The following ARID1A variants were observed in gnomAD, a reference collection of about 807,000 sequenced individuals.
ARID1A encodes the protein AT-rich interaction domain 1A.
In ARID1A, 20 loss-of-function variants were observed where a neutral mutation model predicts 212.6. The observed-to-expected ratio is 0.09, with a 90% CI of 0.07 to 0.14. The LOEUF is 0.14. Ranked by LOEUF, ARID1A falls within the 10% of genes least tolerant of loss-of-function variation. The pLI is 1.00. For missense variants in ARID1A, 2,587 were observed against 3,059.0 expected (o/e 0.85, Z 3.64); for synonymous variants, 1,376 against 1,222.1 (o/e 1.13, Z -2.63).
At chr1:26,714,734 A>G (rs2124768126) in intron 1 of ARID1A, among the ~76,000 whole-genome samples, 1 of 152,306 alleles carries the variant, frequency 6.6e-6, no homozygotes, top group African/African-American at 2.4e-5. Flanking sequence ...AATAAGGTTG[A>G]CTATTCCCTG....
chr1:26,757,870 C>T (rs988081713), intron 4 of ARID1A, among the ~76,000 whole-genome samples: 11 of 152,084 alleles, frequency 7.2e-5, no homozygotes, highest in African/African-American at 2.7e-4. Context: ...GAACTCCTGA[C>T]CTCGTAATCC....
intron 4 of ARID1A, among the ~76,000 whole-genome samples, chr1:26,751,467 A>G (rs1017109684): frequency 2.2e-4 from 34 of 152,308 alleles, no homozygotes; most frequent in African/African-American, 7.2e-4. Context: ...TCAAGCTTCT[A>G]TTAATACCTT....
At position 26,774,950 on chromosome 1, in the gene ARID1A, C is replaced by A. The variant is rs1374393812; in HGVS notation, c.4723C>A (p.Pro1575Thr). ...GCCCCCTCCATCTAACTACCAGCCC[C>A]CACCAAGCATGCAGAATCACATTCC... Reference protein sequence around the residue: ...TRPPPSNYQPPPSMQNHIPQV... With the variant: ...TRPPPSNYQPTPSMQNHIPQV... Residue 1575 changes from proline (P) to threonine (T), a missense_variant, in exon 18 of 20, where the codon CCA becomes ACA. Coordinates refer to ENST00000324856, the MANE Select transcript of ARID1A (RefSeq NM_006015.6). This position sits in a 1 kb window ranked among gnomAD's most constrained non-coding sequence, Gnocchi z 5.6. 1 of 1,451,518 alleles carries A rather than the reference C, an allele frequency of 6.9e-7. No homozygotes were observed. The highest frequency in any genetic ancestry group is 1.3e-5 in the South Asian group (1 of 78,974). The allele number at this position is 1,451,518 out of a possible 1,614,324, so 89.9% of individuals were successfully genotyped here. A position where few individuals can be genotyped will look rare whatever the true frequency, so the allele number is the denominator to read the frequency against.
intron 14 of ARID1A, 150 bp from the exon 15 acceptor site, chr1:26,773,196 G>A (rs757615817): frequency 4.1e-5 from 52 of 1,276,640 alleles, no homozygotes; most frequent in Non-Finnish European, 5.0e-5. Flanking sequence ...CATGCTTTTC[G>A]CTGGTTGGGG....
intron 4 of ARID1A, among the ~76,000 whole-genome samples, chr1:26,751,432 G>T (rs2080884393): frequency 6.6e-6 from 1 of 152,126 alleles, no homozygotes; most frequent in African/African-American, 2.4e-5. Flanking sequence ...CTCTATTGGA[G>T]CATGGAACCC....
At chr1:26,700,214 CCT>C (rs2080319253) in intron 1 of ARID1A, among the ~76,000 whole-genome samples, 1 of 152,208 alleles carries the variant, frequency 6.6e-6, no homozygotes, top group African/African-American at 2.4e-5. Context: ...ACTTGATAAA[CCT>C]CTTTTCAGAC....
intron 4 of ARID1A, among the ~76,000 whole-genome samples, chr1:26,760,357 C>A (rs777419478): frequency 2.6e-5 from 4 of 152,152 alleles, no homozygotes; most frequent in African/African-American, 7.2e-5. Flanking sequence ...TATATTCCAC[C>A]TGGTCCTTAA....
rs766039070 is a variant in ARID1A, at chr1:26,771,264, C to T, written c.3344C>T (p.Pro1115Leu). 6.2e-7 allele frequency: 1 copy of T among 1,614,200 alleles called. No homozygotes were observed. The highest frequency in any genetic ancestry group is 8.5e-7 in the Non-Finnish European group (1 of 1,180,036). Residue 1115 changes from proline to leucine, a missense_variant, in exon 12 of 20, where the codon CCA (proline) becomes CTA (leucine). Coordinates refer to ENST00000324856, the MANE Select transcript of ARID1A (RefSeq NM_006015.6). The surrounding 1 kb of genome is among the most constrained non-coding windows in gnomAD (Gnocchi z 5.4). ...CKIERGEDPP[P>L]DIFAAADSKK... The stretch of plus-strand genomic sequence containing the variant: ...ATTGAACGGGGAGAAGACCCTCCCC[C>T]AGACATCTTTGCAGCTGCTGATTCC...
intron 1 of ARID1A, among the ~76,000 whole-genome samples, chr1:26,700,043 A>G (rs1413059236): frequency 6.6e-6 from 1 of 152,174 alleles, no homozygotes; most frequent in African/African-American, 2.4e-5. Flanking sequence ...AATTAATTTC[A>G]GCTCAGTTGT....
chr1:26,710,871 C>T (rs1316589719), intron 1 of ARID1A, among the ~76,000 whole-genome samples: 1 of 152,158 alleles, frequency 6.6e-6, no homozygotes, highest in Non-Finnish European at 1.5e-5. Context: ...GGTTAAAATG[C>T]TTGAGGCTAG....
chr1:26,772,639 C>T lies in ARID1A; in HGVS notation c.3539+7C>T, dbSNP rs528350078. ...CCCCATTGCCAGGCATGAGGTAAGG[C>T]CAAGAGCAGGGGCAGATGGTTGGGA... On this transcript the variant is annotated splice_region_variant and intron_variant, in intron 13 of 19. Coordinates refer to ENST00000324856, the MANE Select transcript of ARID1A (RefSeq NM_006015.6). 6.2e-7 allele frequency: 1 copy of T among 1,614,206 alleles called. No homozygotes were observed. The highest frequency in any genetic ancestry group is 1.1e-5 in the South Asian group (1 of 91,082).
intron 7 of ARID1A, 24 bp from the exon 8 acceptor site, chr1:26,762,949 A>T (rs2124067234): frequency 6.4e-7 from 1 of 1,554,656 alleles, no homozygotes; most frequent in East Asian, 2.3e-5. Flanking sequence ...TGACTAACCA[A>T]GTCTTGTCTT....
chr1:26,780,224 A>G lies in ARID1A; in HGVS notation c.6326A>G (p.Asn2109Ser), dbSNP rs768439550. The change falls in exon 20 of 20, where the codon AAT becomes AGT. Residue 2109 changes from asparagine to serine, a missense_variant. Transcript: ENST00000324856. This position sits in a 1 kb window ranked among gnomAD's most constrained non-coding sequence, Gnocchi z 7.2. ...AQDPFSTLGP[N>S]AVLSPQRLVL... The stretch of plus-strand genomic sequence containing the variant: ...GACCCCTTTTCCACCCTGGGCCCCA[A>G]TGCCGTCCTTTCCCCGCAGAGACTG... The G allele has an allele frequency of 2.4e-5, 38 of 1,613,952 alleles. No individual in the cohort carries two copies. Among genetic ancestry groups the G allele is most frequent in the Admixed American group, 2.0e-4 (12 of 60,000 alleles).
chr1:26,714,398 T>TTTTGTTTGTTTGTTTG (rs71007887), intron 1 of ARID1A, among the ~76,000 whole-genome samples: 1 of 151,748 alleles, frequency 6.6e-6, no homozygotes, highest in African/African-American at 2.4e-5. Flanking sequence ...CTATAATCTT[T>TTTTGTTTGTTTGTTTG]TTTGTTTGTT....
chr1:26,698,424 T>C (rs2080300479), intron 1 of ARID1A, among the ~76,000 whole-genome samples: 1 of 152,240 alleles, frequency 6.6e-6, no homozygotes, highest in Non-Finnish European at 1.5e-5. Context: ...ATCTGCCTTT[T>C]ATTCCAGAGC....
In ARID1A at chr1:26,780,995, C is replaced by A; in HGVS notation, c.*239C>A. On this transcript the variant is annotated 3_prime_UTR_variant, in exon 20 of 20. Transcript: ENST00000324856. The surrounding 1 kb of genome is among the most constrained non-coding windows in gnomAD (Gnocchi z 7.2). The stretch of plus-strand genomic sequence containing the variant: ...CCTTACTCCCCTCAGGACCCTACCC[C>A]ACCCTCTTTGAAAAGACAAAGCTCT... 2.3e-6 allele frequency: 1 copy of A among 443,014 alleles called. No individual in the cohort carries two copies. Among genetic ancestry groups the A allele is most frequent in the South Asian group, 7.6e-5 (1 of 13,226 alleles). The allele number at this position is 443,014 out of a possible 1,614,324, so 27.4% of individuals were successfully genotyped here.
intron 4 of ARID1A, among the ~76,000 whole-genome samples, chr1:26,745,835 T>C (rs948071005): frequency 6.6e-6 from 1 of 152,158 alleles, no homozygotes; most frequent in African/African-American, 2.4e-5. Context: ...TGAGATCACC[T>C]GAGGTTGGGA....
rs773634878 is a variant in ARID1A at position 26,762,195 on chromosome 1, C to G, written c.2295C>G (p.Pro765=). The change falls in exon 7 of 20, where the codon CCC becomes CCG. Residue 765 remains proline (P), a synonymous_variant. Coordinates refer to ENST00000324856, the MANE Select transcript of ARID1A (RefSeq NM_006015.6). ...CCCAGATGCCCCAGTACAGTTCCCC[C>G]CAGCCCGGCTCAGCCTTATCTCCGC... ...RNPQMPQYSS[P]QPGSALSPRQ... 1 of 1,614,160 alleles carries G rather than the reference C, an allele frequency of 6.2e-7. No homozygotes were observed. Among genetic ancestry groups the G allele is most frequent in the African/African-American group, 1.3e-5 (1 of 75,016 alleles).
intron 4 of ARID1A, among the ~76,000 whole-genome samples, chr1:26,760,547 G>A (rs1050529580): frequency 1.3e-5 from 2 of 152,062 alleles, no homozygotes; most frequent in African/African-American, 4.8e-5. Context: ...AATTTAGCCG[G>A]GCGTGGTGGT....
Sources: gnomAD v4.1 joint callset for allele counts (sites outside exome capture counted in the v4.1 genomes callset) on GRCh38, gnomAD v4.1.1 for gene constraint, Gnocchi (gnomAD v3.1) non-coding constraint, MANE v1.5 for transcripts, NCBI Gene and HGNC (gene_info 2026-07-23, HGNC 2026-07-21) for gene names.